HTT: variants seen among roughly 807,000 people sequenced by gnomAD.
The protein encoded by HTT is huntington disease protein.
In HTT, 104 loss-of-function variants were observed where a neutral mutation model predicts 362.3. The observed-to-expected ratio is 0.29, with a 90% CI of 0.24 to 0.34. The LOEUF is 0.34. HTT is among the 10% of genes least tolerant of loss of function. HTT has a pLI of 1.00. For missense variants in HTT, 3,301 were observed against 3,928.6 expected (o/e 0.84, Z 4.27); for synonymous variants, 1,577 against 1,548.7 (o/e 1.02, Z -0.43).
At chr4:3,166,208 T>A (rs1717698192) in intron 29 of HTT, among the ~76,000 whole-genome samples, 1 of 152,200 alleles carries the variant, frequency 6.6e-6, no homozygotes, top group Non-Finnish European at 1.5e-5. Flanking sequence ...GGAGGTCCAC[T>A]CCAGGCCCTG....
intron 2 of HTT, among the ~76,000 whole-genome samples, chr4:3,097,829 AGTTACT>A (rs777995317): frequency 3.3e-5 from 5 of 152,188 alleles, no homozygotes; most frequent in Non-Finnish European, 5.9e-5. Flanking sequence ...ATCAATATTT[AGTTACT>A]GGAAAACTTT....
In HTT at chr4:3,105,353, T is replaced by A. The variant is rs1348997553; in HGVS notation, c.529-4T>A. ...TTAATGCAACCCTCATTGCACCCCCTCAGAATGGTGCCCCTCGGAGTTTGC... is the reference window on the plus strand; with the variant it reads ...TTAATGCAACCCTCATTGCACCCCCACAGAATGGTGCCCCTCGGAGTTTGC... On this transcript the variant is annotated splice_polypyrimidine_tract_variant and splice_region_variant and intron_variant, in intron 4 of 66. Coordinates refer to ENST00000355072, the MANE Select transcript of HTT (RefSeq NM_001388492.1). 1.9e-6 allele frequency: 3 copies of A among 1,610,966 alleles called. No individual in the cohort carries two copies. In the African/African-American group the frequency reaches 4.0e-5, roughly 22 times the overall value.
intron 57 of HTT, among the ~76,000 whole-genome samples, chr4:3,227,085 G>A (rs1347994586): frequency 6.6e-6 from 1 of 152,210 alleles, no homozygotes; most frequent in African/African-American, 2.4e-5. Flanking sequence ...AGGGACACTG[G>A]TCTGTGCCCG....
chr4:3,083,649 A>C (rs866528181), intron 1 of HTT, among the ~76,000 whole-genome samples: 2 of 151,826 alleles, frequency 1.3e-5, no homozygotes, highest in African/African-American at 2.4e-5. Flanking sequence ...CATGCTGGTG[A>C]GGATTTAGAA....
intron 51 of HTT, among the ~76,000 whole-genome samples, chr4:3,216,988 G>GCA (rs1360532456): frequency 6.6e-6 from 1 of 150,720 alleles, no homozygotes; most frequent in Non-Finnish European, 1.5e-5. Flanking sequence ...TCCCGCCACT[G>GCA]CACTCCAGCC....
At chr4:3,211,850 TC>T (rs1720175520) in intron 47 of HTT, 78 bp from the exon 48 acceptor site, 2 of 1,023,042 alleles carry the variant, frequency 2.0e-6, no homozygotes, top group Admixed American at 3.9e-5. Flanking sequence ...TATTCTTTTT[TC>T]TGTTGTGTTT....
At chr4:3,087,241 A>C (rs73088118) in intron 2 of HTT, among the ~76,000 whole-genome samples, 1,725 of 152,354 alleles carry the variant, frequency 0.011, 35 homozygotes, top group African/African-American at 0.039. Flanking sequence ...GCAAAAATTA[A>C]AACCATTATG....
At chr4:3,120,228 T>C (rs1402780901) in intron 8 of HTT, among the ~76,000 whole-genome samples, 2 of 152,212 alleles carry the variant, frequency 1.3e-5, no homozygotes, top group African/African-American at 4.8e-5. Context: ...CCAGTGAAAT[T>C]TGAACTTCAG....
intron 22 of HTT, 48 bp from the exon 23 acceptor site, chr4:3,142,718 A>C: frequency 1.0e-6 from 1 of 991,090 alleles, no homozygotes; most frequent in Non-Finnish European, 1.5e-6. Flanking sequence ...ATCTTTAAAA[A>C]TATATGTTTT....
At chr4:3,223,309 C>A (rs1720762393) in intron 54 of HTT, 97 bp from the exon 55 acceptor site, 1 of 1,245,518 alleles carries the variant, frequency 8.0e-7, no homozygotes, top group Non-Finnish European at 1.1e-6. Flanking sequence ...TAAGGCTCCT[C>A]TTCCTCCCAT....
intron 40 of HTT, among the ~76,000 whole-genome samples, chr4:3,194,290 G>A (rs1719148516): frequency 6.6e-6 from 1 of 152,154 alleles, no homozygotes; most frequent in South Asian, 2.1e-4. Flanking sequence ...GGAGAGGAGG[G>A]TATTCATCCC....
In HTT at chr4:3,209,684, G is replaced by A. The variant is rs1393726054; in HGVS notation, c.6292-143G>A. On this transcript the variant is annotated intron_variant, in intron 46 of 66. Transcript: ENST00000355072. ...GGGAAAACCTGTGGTGTGGTGAGCC[G>A]TATAGCCACAGCCTGCCGGCCGGCA... 29 of 939,420 alleles carry A rather than the reference G, an allele frequency of 3.1e-5. 1 individual carries two copies. The highest frequency in any genetic ancestry group is 1.1e-4 in the South Asian group (7 of 65,110). The allele number at this position is 939,420 out of a possible 1,614,324, so 58.2% of individuals were successfully genotyped here. A position where few individuals can be genotyped will look rare whatever the true frequency, so the allele number is the denominator to read the frequency against.
chr4:3,162,879 A>G (rs948818951), intron 29 of HTT, among the ~76,000 whole-genome samples: 16 of 152,250 alleles, frequency 1.1e-4, no homozygotes, highest in African/African-American at 1.4e-4. Context: ...AAACAGGGAC[A>G]GTTTTACTTC....
In HTT at chr4:3,122,887, A is replaced by G; in HGVS notation, c.1274-2A>G. ...TTATCTGTCACTTTCTGTGATTTGCAGCTGGAGGGGGTTCCTCATGCAGCC... is the reference window on the plus strand; with the variant it reads ...TTATCTGTCACTTTCTGTGATTTGCGGCTGGAGGGGGTTCCTCATGCAGCC... On this transcript the variant is annotated splice_acceptor_variant, in intron 9 of 66. Coordinates refer to ENST00000355072, the MANE Select transcript of HTT (RefSeq NM_001388492.1). LOFTEE classifies it high-confidence loss of function. 1 of 1,607,722 alleles carries G rather than the reference A, an allele frequency of 6.2e-7. No homozygotes were observed. The highest frequency in any genetic ancestry group is 8.5e-7 in the Non-Finnish European group (1 of 1,176,552).
chr4:3,119,393 C>T (rs908499705), intron 8 of HTT, among the ~76,000 whole-genome samples: 34 of 152,094 alleles, frequency 2.2e-4, no homozygotes, highest in African/African-American at 8.0e-4. Flanking sequence ...GTAAGAGAAC[C>T]CATTTGACCA....
intron 11 of HTT, among the ~76,000 whole-genome samples, chr4:3,126,998 A>C (rs573722171): frequency 6.6e-6 from 1 of 152,308 alleles, no homozygotes; most frequent in East Asian, 1.9e-4. Flanking sequence ...GTCGGTTAAG[A>C]ACTTGAACTT....
chr4:3,228,705 C>G lies in HTT; in HGVS notation c.7939C>G (p.Pro2647Ala). 1 of 1,608,916 alleles carries G rather than the reference C, an allele frequency of 6.2e-7. No homozygotes were observed. The highest frequency in any genetic ancestry group is 8.5e-7 in the Non-Finnish European group (1 of 1,176,958). Residue 2647 changes from proline (P) to alanine (A), a missense_variant, in exon 58 of 67, where the codon CCT (proline) becomes GCT (alanine). By Grantham distance (27) the Pro-to-Ala change is conservative (BLOSUM62 -1). This residue lies in a region of HTT where 753 missense variants were observed against 1,021.3 expected (regional missense o/e 0.74). Coordinates refer to ENST00000355072, the MANE Select transcript of HTT (RefSeq NM_001388492.1). The surrounding 1 kb of genome is among the most constrained non-coding windows in gnomAD (Gnocchi z 4.3). ...DEEEEEEADA[P>A]APSSPPTSPV... ...GGAAGAGGAGGAGGAGGCCGACGCC[C>G]CTGCACCTTCGTCACCACCCACGTC...
intron 49 of HTT, among the ~76,000 whole-genome samples, chr4:3,213,243 A>G (rs893083606): frequency 6.6e-6 from 1 of 152,236 alleles, no homozygotes; most frequent in East Asian, 1.9e-4. Context: ...CATCAGTGCC[A>G]TTACTCACAA....
At chr4:3,113,813 C>T (rs1432102040) in intron 6 of HTT, among the ~76,000 whole-genome samples, 4 of 151,634 alleles carry the variant, frequency 2.6e-5, no homozygotes, top group Admixed American at 1.3e-4. Flanking sequence ...CTGTGGCTGG[C>T]AAGGAGAGAA....
Sources: allele counts gnomAD v4.1 joint callset (sites outside exome capture counted in the v4.1 genomes callset), GRCh38; gene constraint gnomAD v4.1.1; regional missense constraint gnomAD v4.1.1; non-coding constraint Gnocchi (gnomAD v3.1); transcripts MANE v1.5; gene names NCBI Gene and HGNC (gene_info 2026-07-23, HGNC 2026-07-21).